The following FAF1 variants were observed in gnomAD, a reference collection of about 807,000 sequenced individuals.
FAF1 encodes the protein Fas associated factor 1.
In FAF1, 25 loss-of-function variants were observed where a neutral mutation model predicts 92.5. That is an observed-to-expected ratio of 0.27 (90% CI 0.20 to 0.38). The LOEUF (loss-of-function observed/expected upper bound fraction) is 0.38. FAF1 is among the 10% of genes least tolerant of loss of function. The probability of loss-of-function intolerance (pLI) is 1.00; values close to 1 mark genes in which losing one functional copy is unlikely to be tolerated. For synonymous variants in FAF1, 234 were observed against 273.2 expected (o/e 0.86, Z 1.42); for missense variants, 636 against 793.3 (o/e 0.80, Z 2.38).
chr1:50,712,036 T>C (rs1487085611), intron 6 of FAF1, among the ~76,000 whole-genome samples: 1 of 152,178 alleles, frequency 6.6e-6, no homozygotes, highest in African/African-American at 2.4e-5. Flanking sequence ...ATTACTATCA[T>C]ACAAAAAAGG....
chr1:50,783,331 AG>A (rs1412780837), intron 4 of FAF1, among the ~76,000 whole-genome samples: 2 of 152,226 alleles, frequency 1.3e-5, no homozygotes, highest in Non-Finnish European at 1.5e-5. Flanking sequence ...AAACTGAAGG[AG>A]GGAATACTTC....
chr1:50,690,516 G>T (rs1278530810), intron 7 of FAF1, among the ~76,000 whole-genome samples: 3 of 151,982 alleles, frequency 2.0e-5, no homozygotes, highest in Non-Finnish European at 2.9e-5. Flanking sequence ...TAGGAGAATC[G>T]CTTGAACCTG....
chr1:50,922,685 G>A (rs1644974416), intron 1 of FAF1, among the ~76,000 whole-genome samples: 1 of 150,992 alleles, frequency 6.6e-6, no homozygotes, highest in Admixed American at 6.6e-5. Context: ...GGGTGTGTTG[G>A]TGCATACCTA....
chr1:50,872,214 G>A (rs964377451), intron 1 of FAF1, among the ~76,000 whole-genome samples: 2 of 152,170 alleles, frequency 1.3e-5, no homozygotes, highest in African/African-American at 4.8e-5. Flanking sequence ...ATAATTCATG[G>A]GAAGAGGTCA....
At chr1:50,682,820 G>A (rs748441599) in intron 7 of FAF1, among the ~76,000 whole-genome samples, 4 of 152,074 alleles carry the variant, frequency 2.6e-5, no homozygotes, top group Admixed American at 6.6e-5. Context: ...ATGGCCGGGC[G>A]TGGTGGCTCA....
intron 7 of FAF1, among the ~76,000 whole-genome samples, chr1:50,673,003 A>C (rs1401260648): frequency 1.3e-5 from 2 of 152,110 alleles, no homozygotes; most frequent in African/African-American, 4.8e-5. Flanking sequence ...TATGCCTATA[A>C]TCCCAGCACA....
intron 8 of FAF1, among the ~76,000 whole-genome samples, chr1:50,598,178 C>A (rs545988694): frequency 6.6e-6 from 1 of 152,212 alleles, no homozygotes; most frequent in South Asian, 2.1e-4. Flanking sequence ...CGCCTGTAGT[C>A]CTTGCTACTT....
At chr1:50,707,049 A>G (rs1398726424) in intron 6 of FAF1, among the ~76,000 whole-genome samples, 2 of 152,078 alleles carry the variant, frequency 1.3e-5, no homozygotes, top group African/African-American at 2.4e-5. Context: ...TAAAAATGCA[A>G]AACATTAGCC....
chr1:50,572,418 T>C (rs1650488184), intron 12 of FAF1, among the ~76,000 whole-genome samples: 1 of 152,202 alleles, frequency 6.6e-6, no homozygotes, highest in African/African-American at 2.4e-5. Flanking sequence ...ATATTCAAAT[T>C]TCCCCCAAGT....
intron 18 of FAF1, among the ~76,000 whole-genome samples, chr1:50,442,023 T>C (rs1440408820): frequency 2.0e-5 from 3 of 151,920 alleles, no homozygotes; most frequent in Non-Finnish European, 4.4e-5. Flanking sequence ...ATACCCTTGT[T>C]GATGGTATAT....
intron 12 of FAF1, among the ~76,000 whole-genome samples, chr1:50,570,725 G>T (rs1379490345): frequency 6.6e-6 from 1 of 152,020 alleles, no homozygotes; most frequent in Non-Finnish European, 1.5e-5. Context: ...CAATAAATAA[G>T]CAAAATATAA....
intron 18 of FAF1, among the ~76,000 whole-genome samples, chr1:50,467,339 G>T (rs910220562): frequency 6.6e-6 from 1 of 151,954 alleles, no homozygotes; most frequent in African/African-American, 2.4e-5. Flanking sequence ...TTTTGGGACG[G>T]GGTCTCACTC....
At chr1:50,705,191 A>G (rs77657858) in intron 7 of FAF1, among the ~76,000 whole-genome samples, 3,049 of 152,296 alleles carry the variant, frequency 0.02, 97 homozygotes, top group African/African-American at 0.07. Context: ...AAGGCATACC[A>G]ACAAGGTACC....
At chr1:50,898,642 A>T (rs1312892606) in intron 1 of FAF1, among the ~76,000 whole-genome samples, 5 of 152,240 alleles carry the variant, frequency 3.3e-5, no homozygotes, top group Admixed American at 1.3e-4. Flanking sequence ...TCTCCAGGAC[A>T]GACCACAAAA....
intron 15 of FAF1, 62 bp downstream of exon 15, chr1:50,535,307 T>G: frequency 9.0e-7 from 1 of 1,106,752 alleles, no homozygotes; most frequent in African/African-American, 1.5e-5. Flanking sequence ...TATCATCATT[T>G]GACAAATTAA....
intron 3 of FAF1, among the ~76,000 whole-genome samples, chr1:50,791,790 T>C (rs1211341895): frequency 6.6e-6 from 1 of 152,224 alleles, no homozygotes; most frequent in African/African-American, 2.4e-5. Flanking sequence ...TTCAGTCTTC[T>C]ATACCTATGT....
chr1:50,493,672 A>G (rs1008894387), intron 15 of FAF1, among the ~76,000 whole-genome samples: 3 of 152,236 alleles, frequency 2.0e-5, no homozygotes, highest in Non-Finnish European at 4.4e-5. Context: ...ATATCTCTGT[A>G]TTCCACATAC....
intron 6 of FAF1, among the ~76,000 whole-genome samples, chr1:50,711,550 A>ATGG (rs1457147531): frequency 6.9e-6 from 1 of 145,214 alleles, no homozygotes; most frequent in Non-Finnish European, 1.5e-5. Context: ...GCTCACTGCA[A>ATGG]CCTCCACCTC....
At chr1:50,949,512 C>T (rs1243048262) in intron 1 of FAF1, among the ~76,000 whole-genome samples, 1 of 152,206 alleles carries the variant, frequency 6.6e-6, no homozygotes, top group Non-Finnish European at 1.5e-5. Flanking sequence ...TGGTTGAAAA[C>T]CACTGATCTA....
Sources: gnomAD v4.1 joint callset for allele counts (sites outside exome capture counted in the v4.1 genomes callset) on GRCh38, gnomAD v4.1.1 for gene constraint, MANE v1.5 for transcripts, NCBI Gene and HGNC (gene_info 2026-07-23, HGNC 2026-07-21) for gene names.